CDH23: variants seen among roughly 807,000 people sequenced by gnomAD.
The protein encoded by CDH23 is cadherin-23.
Under a neutral mutation model 317.1 loss-of-function variants are expected in CDH23, and 189 were observed. The observed-to-expected ratio is 0.60, with a 90% CI of 0.53 to 0.67. The LOEUF is 0.67. Ranked by LOEUF, CDH23 falls within the 30% of genes least tolerant of loss-of-function variation. The pLI is 0.00. For synonymous variants in CDH23, 1,839 were observed against 1,876.8 expected (o/e 0.98, Z 0.52); for missense variants, 4,401 against 4,592.4 (o/e 0.96, Z 1.20).
chr10:71,721,992 C>T (rs1866578986), intron 28 of CDH23, among the ~76,000 whole-genome samples: 1 of 152,238 alleles, frequency 6.6e-6, no homozygotes, highest in African/African-American at 2.4e-5. Flanking sequence ...CAGCTCCCTC[C>T]TTTGGAAACC....
intron 53 of CDH23, among the ~76,000 whole-genome samples, chr10:71,801,150 C>CTTTTTTTTTTTTTTTTTTTTTTTTTT: frequency 1.4e-5 from 1 of 73,958 alleles, no homozygotes. Flanking sequence ...CTCTCTCTCT[C>CTTTTTTTTTTTTTTTTTTTTTTTTTT]TTTTTTTTTT....
chr10:71,727,677 G>A (rs943361865), intron 30 of CDH23, among the ~76,000 whole-genome samples: 2 of 151,980 alleles, frequency 1.3e-5, no homozygotes, highest in African/African-American at 4.8e-5. Flanking sequence ...ACACACACAC[G>A]CACATATGCC....
chr10:71,659,839 A>G (rs997191190), intron 14 of CDH23, among the ~76,000 whole-genome samples: 2 of 152,188 alleles, frequency 1.3e-5, no homozygotes, highest in Non-Finnish European at 2.9e-5. Context: ...GGTAGTATCA[A>G]CTTGTATTTC....
rs1325929050 is a variant in CDH23, at chr10:71,803,292, G to A, written c.7744G>A (p.Val2582Met). Residue 2582 changes from valine (V) to methionine (M), a missense_variant, in exon 55 of 70, where the codon GTG becomes ATG. Physicochemically the swap from Val to Met is conservative, Grantham distance 21 (BLOSUM62 1). This residue lies in a region of CDH23 where 1,144 missense variants were observed against 1,138.2 expected (regional missense o/e 1.01). Coordinates refer to ENST00000224721, the MANE Select transcript of CDH23 (RefSeq NM_022124.6). ...CTACGAGAAGTTCAGTCTGACCGTG[G>A]TGGCCACAGATGGTGGAGAGCCCCC... ...QSYEKFSLTV[V>M]ATDGGEPPLW... 6.3e-7 allele frequency: 1 copy of A among 1,590,474 alleles called. No individual in the cohort carries two copies. The highest frequency in any genetic ancestry group is 1.8e-5 in the Admixed American group (1 of 57,004).
chr10:71,778,458 C>A, intron 40 of CDH23, 150 bp downstream of exon 40: 1 of 1,082,422 alleles, frequency 9.2e-7, no homozygotes, highest in South Asian at 1.6e-5. Context: ...GCAACTCACT[C>A]AAACTTGCTG....
At chr10:71,811,634 T>C (rs1399121795) in intron 64 of CDH23, 44 bp downstream of exon 64, 1 of 1,613,576 alleles carries the variant, frequency 6.2e-7, no homozygotes, top group Non-Finnish European at 8.5e-7. Flanking sequence ...GACCACCTGC[T>C]CCCGGATGGC....
At chr10:71,398,535 G>T (rs541200837) in intron 1 of CDH23, among the ~76,000 whole-genome samples, 1 of 151,598 alleles carries the variant, frequency 6.6e-6, no homozygotes, top group African/African-American at 2.4e-5. Flanking sequence ...GGGGTGGGGC[G>T]GGCTTTAAGA....
chr10:71,681,932 A>G (rs570618785), intron 17 of CDH23, among the ~76,000 whole-genome samples: 5 of 152,284 alleles, frequency 3.3e-5, no homozygotes, highest in African/African-American at 1.2e-4. Flanking sequence ...CTCTGTGCTT[A>G]CCTGGAGAGA....
rs369817789 is a variant in CDH23 at position 71,553,436 on chromosome 10, G to A, written c.430-13306G>A. Among the ~76,000 whole-genome samples the A allele has an allele frequency of 9.7e-4, 148 of 152,254 alleles. 1 individual carries two copies. Among genetic ancestry groups the A allele is most frequent in the African/African-American group, 3.6e-3 (148 of 41,528 alleles). ...ACTTATCACATCACACCGCCTGAAG[G>A]GCCGGCAGCAGTAGCCTCAGGATTG... On this transcript the variant is annotated intron_variant, in intron 6 of 69. Coordinates refer to ENST00000224721, the MANE Select transcript of CDH23 (RefSeq NM_022124.6).
chr10:71,475,449 G>A (rs1295212587), intron 3 of CDH23, among the ~76,000 whole-genome samples: 2 of 152,228 alleles, frequency 1.3e-5, no homozygotes, highest in Admixed American at 6.5e-5. Flanking sequence ...GGGTCTAGGA[G>A]GGCGGTTGAG....
intron 38 of CDH23, among the ~76,000 whole-genome samples, chr10:71,742,457 G>A (rs11599787): frequency 0.47 from 71,066 of 152,080 alleles, 17,567 homozygotes; most frequent in Middle Eastern, 0.58. Flanking sequence ...ACTGCCCAAG[G>A]CAATGTTCAA....
At chr10:71,724,747 T>C (rs1000653855) in intron 29 of CDH23, among the ~76,000 whole-genome samples, 8 of 152,184 alleles carry the variant, frequency 5.3e-5, no homozygotes, top group African/African-American at 1.9e-4. Flanking sequence ...CCAATCAGAA[T>C]CCAGTGCCCA....
chr10:71,600,544 G>A (rs1459889573), intron 9 of CDH23, among the ~76,000 whole-genome samples: 2 of 141,526 alleles, frequency 1.4e-5, no homozygotes, highest in Non-Finnish European at 3.0e-5. Flanking sequence ...TTGAGACGGA[G>A]TGTCACTCTG....
chr10:71,444,811 G>C (rs760298784), intron 2 of CDH23, among the ~76,000 whole-genome samples: 1 of 152,172 alleles, frequency 6.6e-6, no homozygotes, highest in East Asian at 1.9e-4. Context: ...AAGGGAGAGA[G>C]AGCTGCCCCA....
rs1233169428 is a variant in CDH23 at position 71,570,856 on chromosome 10, G to A, written c.691G>A (p.Asp231Asn). The A allele has an allele frequency of 3.1e-6, 5 of 1,613,864 alleles. No individual in the cohort carries two copies. In the Admixed American group the frequency reaches 8.3e-5, roughly 27 times the overall value. Residue 231 changes from aspartate to asparagine, a missense_variant, in exon 8 of 70, where the codon GAC (aspartate) becomes AAC (asparagine). By Grantham distance (23) the Asp-to-Asn change is conservative (BLOSUM62 1). Transcript: ENST00000224721. ...NLAIIITDVQDMDPIFINLPY... is the reference protein window; with the variant it reads ...NLAIIITDVQNMDPIFINLPY... ...GGCCATCATCATCACAGATGTCCAG[G>A]ACATGGACCCCATCTTCATCAACCT...
chr10:71,710,679 C>T (rs1048586085), intron 27 of CDH23, among the ~76,000 whole-genome samples: 4 of 152,250 alleles, frequency 2.6e-5, no homozygotes, highest in African/African-American at 7.2e-5. Context: ...GGGGTGCCCA[C>T]TGCAGCCTTG....
At chr10:71,506,628 C>G (rs145819124) in intron 3 of CDH23, among the ~76,000 whole-genome samples, 4 of 152,016 alleles carry the variant, frequency 2.6e-5, no homozygotes, top group African/African-American at 9.7e-5. Flanking sequence ...CTGGAAACCT[C>G]CCCTGGTGGA....
rs758046898 is a variant in CDH23, at chr10:71,682,404, G to C, written c.1859-41G>C. The C allele has an allele frequency of 1.9e-6, 3 of 1,605,120 alleles. No homozygotes were observed. In the Admixed American group the frequency reaches 5.1e-5, roughly 27 times the overall value. ...ACCCCTGTCTGGACGGGCATCTCAAGTCTGCTTACAGAGGGATCTGGCCTG... is the reference window on the plus strand; with the variant it reads ...ACCCCTGTCTGGACGGGCATCTCAACTCTGCTTACAGAGGGATCTGGCCTG... On this transcript the variant is annotated intron_variant, in intron 17 of 69. Coordinates refer to ENST00000224721, the MANE Select transcript of CDH23 (RefSeq NM_022124.6).
chr10:71,783,317 C>A (rs1408485036), intron 41 of CDH23, among the ~76,000 whole-genome samples: 1 of 152,236 alleles, frequency 6.6e-6, no homozygotes, highest in Non-Finnish European at 1.5e-5. Context: ...TCTCTTCTCT[C>A]CACCCTCCGT....
Sources: gnomAD v4.1 joint callset for allele counts (sites outside exome capture counted in the v4.1 genomes callset) on GRCh38, gnomAD v4.1.1 for gene constraint, gnomAD v4.1.1 regional missense constraint, MANE v1.5 for transcripts, NCBI Gene and HGNC (gene_info 2026-07-23, HGNC 2026-07-21) for gene names.